The following PTN variants were observed in gnomAD, a reference collection of about 807,000 sequenced individuals.
The protein encoded by PTN is pleiotrophin, also known as heparin affin regulatory protein.
Under a neutral mutation model 24.1 loss-of-function variants are expected in PTN, and 18 were observed. The ratio of observed to expected loss-of-function variants is 0.75; its 90% CI spans 0.52 to 1.11. PTN has a LOEUF of 1.11. Among genes scored for constraint, PTN ranks in the 50% least tolerant of loss-of-function variants. The probability of loss-of-function intolerance (pLI) is 0.00; values close to 1 mark genes in which losing one functional copy is unlikely to be tolerated. For synonymous variants in PTN, 78 were observed against 68.6 expected (o/e 1.14, Z -0.67); for missense variants, 163 against 198.8 (o/e 0.82, Z 1.08).
intron 1 of PTN, among the ~76,000 whole-genome samples, chr7:137,288,371 C>T (rs1002358598): frequency 6.6e-6 from 1 of 152,124 alleles, no homozygotes; most frequent in East Asian, 1.9e-4. Context: ...AGCTCTGCCT[C>T]GTTTTCATCT....
At chr7:137,313,849 C>T (rs144574465) in intron 1 of PTN, among the ~76,000 whole-genome samples, 19 of 152,092 alleles carry the variant, frequency 1.2e-4, no homozygotes, top group African/African-American at 4.3e-4. Flanking sequence ...TTCAAAAGAA[C>T]GTATACCTTC....
At chr7:137,317,396 T>G (rs1810090060) in intron 1 of PTN, among the ~76,000 whole-genome samples, 1 of 152,226 alleles carries the variant, frequency 6.6e-6, no homozygotes, top group Non-Finnish European at 1.5e-5. Flanking sequence ...CATAATGACT[T>G]CTTTAAATTT....
intron 4 of PTN, among the ~76,000 whole-genome samples, chr7:137,242,150 C>CT (rs1554461443): frequency 1.3e-5 from 2 of 152,128 alleles, no homozygotes; most frequent in Non-Finnish European, 2.9e-5. Flanking sequence ...TTCCTGACCC[C>CT]TTTTTTCCCA....
chr7:137,251,318 A>C lies in PTN; in HGVS notation c.363T>G (p.Ser121Arg), dbSNP rs766093243. 6.2e-7 allele frequency: 1 copy of C among 1,614,092 alleles called. No individual in the cohort carries two copies. Among genetic ancestry groups the C allele is most frequent in the South Asian group, 1.1e-5 (1 of 91,072 alleles). ...LNTALKTRTGSLKRALHNAEC... is the reference protein window; with the variant it reads ...LNTALKTRTGRLKRALHNAEC... ...CGGCATTGTGCAGGGCTCGCTTCAG[A>C]CTTCCAGTTCTGGTCTTCAGGGCTG... Residue 121 changes from serine to arginine, a missense_variant, in exon 4 of 5, where the codon AGT becomes AGG. Ser to Arg is a moderately radical substitution (Grantham distance 110, BLOSUM62 -1). Transcript: ENST00000348225.
At chr7:137,264,656 G>T (rs1005445908) in intron 1 of PTN, among the ~76,000 whole-genome samples, 1 of 152,222 alleles carries the variant, frequency 6.6e-6, no homozygotes, top group Admixed American at 6.5e-5. Context: ...GATACCAGGA[G>T]TAAGGTGGCT....
At chr7:137,341,482 A>T (rs548868691) in intron 1 of PTN, among the ~76,000 whole-genome samples, 1 of 152,124 alleles carries the variant, frequency 6.6e-6, no homozygotes, top group East Asian at 1.9e-4. Flanking sequence ...TATATAATAC[A>T]TATAATACAT....
intron 1 of PTN, among the ~76,000 whole-genome samples, chr7:137,302,575 C>T (rs868251979): frequency 2.6e-5 from 4 of 151,910 alleles, no homozygotes; most frequent in African/African-American, 7.2e-5. Context: ...TCAGTGCCCT[C>T]GTCTACTCTC....
chr7:137,274,938 C>T (rs939423548), intron 1 of PTN, among the ~76,000 whole-genome samples: 1 of 152,132 alleles, frequency 6.6e-6, no homozygotes, highest in African/African-American at 2.4e-5. Context: ...TATATGTAGG[C>T]AAAGTAGTCG....
At chr7:137,333,079 G>A (rs142183059) in intron 1 of PTN, among the ~76,000 whole-genome samples, 10 of 152,254 alleles carry the variant, frequency 6.6e-5, no homozygotes, top group Non-Finnish European at 1.3e-4. Context: ...GTAGATTAAT[G>A]CCCTCCCTGG....
chr7:137,326,942 CATGAATGAATGA>C (rs112322798), intron 1 of PTN: 1 of 150,966 alleles, frequency 6.6e-6, no homozygotes, highest in Non-Finnish European at 1.5e-5. Flanking sequence ...TAAATGAACA[CATGAATGAATGA>C]ATGAATGAAT....
At chr7:137,303,262 T>C (rs1220351527) in intron 1 of PTN, among the ~76,000 whole-genome samples, 1 of 151,946 alleles carries the variant, frequency 6.6e-6, no homozygotes, top group Non-Finnish European at 1.5e-5. Context: ...TCCCAGGTAA[T>C]TCTGATGAGC....
chr7:137,241,775 C>T (rs146145276), intron 4 of PTN, among the ~76,000 whole-genome samples: 1 of 152,214 alleles, frequency 6.6e-6, no homozygotes, highest in African/African-American at 2.4e-5. Flanking sequence ...ACTTGAGACC[C>T]AACGGAGTAC....
intron 1 of PTN, among the ~76,000 whole-genome samples, chr7:137,329,465 C>T (rs1415213315): frequency 6.6e-6 from 1 of 152,014 alleles, no homozygotes; most frequent in East Asian, 1.9e-4. Context: ...CGCCACTGTC[C>T]AGGGTGAAGG....
intron 1 of PTN, among the ~76,000 whole-genome samples, chr7:137,321,259 G>T (rs1353253337): frequency 6.6e-6 from 1 of 152,166 alleles, no homozygotes; most frequent in Non-Finnish European, 1.5e-5. Context: ...TTACGGGAAG[G>T]CACTATACCT....
Position 137,250,287 on chromosome 7 carries a change from G to C in PTN, c.451+943C>G, listed in dbSNP as rs576529140. On this transcript the variant is annotated intron_variant, in intron 4 of 4. Coordinates refer to ENST00000348225, the MANE Select transcript of PTN (RefSeq NM_002825.7). ...TGGAAGCTACAAGCCTAAGATCAAG[G>C]CATCTGTAGGGCTGATTTCTTCTGA... Among the ~76,000 whole-genome samples the C allele has an allele frequency of 4.6e-5, 7 of 152,230 alleles. No individual in the cohort carries two copies. In the South Asian group the frequency reaches 1.5e-3, roughly 32 times the overall value.
intron 1 of PTN, among the ~76,000 whole-genome samples, chr7:137,316,085 C>A (rs1015791904): frequency 6.6e-6 from 1 of 152,184 alleles, no homozygotes; most frequent in African/African-American, 2.4e-5. Flanking sequence ...TGAGGCACCT[C>A]GTCAGAATCC....
At chr7:137,282,566 G>C (rs188481850) in intron 1 of PTN, among the ~76,000 whole-genome samples, 1 of 151,966 alleles carries the variant, frequency 6.6e-6, no homozygotes, top group East Asian at 1.9e-4. Flanking sequence ...CTTTTTGGAG[G>C]CCATTAAAAA....
chr7:137,269,557 A>T (rs1457429759), intron 1 of PTN, among the ~76,000 whole-genome samples: 1 of 134,766 alleles, frequency 7.4e-6, no homozygotes, highest in Non-Finnish European at 1.6e-5. Context: ...AGAAAAATTT[A>T]TCCTGATTTT....
At chr7:137,332,825 T>C (rs1339532990) in intron 1 of PTN, among the ~76,000 whole-genome samples, 4 of 152,170 alleles carry the variant, frequency 2.6e-5, no homozygotes, top group African/African-American at 9.7e-5. Flanking sequence ...GGCCACCATA[T>C]GTTAAAACCT....
Sources: gnomAD v4.1 joint callset for allele counts (sites outside exome capture counted in the v4.1 genomes callset) on GRCh38, gnomAD v4.1.1 for gene constraint, MANE v1.5 for transcripts, NCBI Gene and HGNC (gene_info 2026-07-23, HGNC 2026-07-21) for gene names.